The following HTR2C variants were observed in gnomAD, a reference collection of about 807,000 sequenced individuals.
The protein encoded by HTR2C is 5-hydroxytryptamine (serotonin) receptor 2C, G protein-coupled.
In HTR2C, 5 loss-of-function variants were observed where a neutral mutation model predicts 21.0. The ratio of observed to expected loss-of-function variants is 0.24; its 90% CI spans 0.12 to 0.50. HTR2C has a LOEUF of 0.50. Ranked by LOEUF, HTR2C falls within the 20% of genes least tolerant of loss-of-function variation. The pLI, the probability that HTR2C is intolerant of heterozygous loss-of-function variation, is 0.98. For missense variants in HTR2C, 271 were observed against 371.2 expected (o/e 0.73, Z 2.22); for synonymous variants, 150 against 145.3 (o/e 1.03, Z -0.23).
intron 4 of HTR2C, chrX:114,774,983 G>A: frequency 4.0e-6 from 2 of 499,549 alleles, no homozygotes; most frequent in South Asian, 5.3e-5. Flanking sequence ...AGCTCTGTCT[G>A]CTGATGTTCA....
intron 4 of HTR2C, among the ~76,000 whole-genome samples, chrX:114,762,600 T>G (rs2069891497): frequency 8.9e-6 from 1 of 111,970 alleles, no homozygotes; most frequent in African/African-American, 3.2e-5. Context: ...TATTAAGCCC[T>G]AGGGTATTGG....
chrX:114,806,596 TCATATATACACCATATATACAC>T (rs1231364335), intron 4 of HTR2C, among the ~76,000 whole-genome samples: 2 of 54,239 alleles, frequency 3.7e-5, no homozygotes, highest in Non-Finnish European at 6.7e-5. Context: ...ATCATATATA[TCATATATACACCATATATACAC>T]CATATATATA....
chrX:114,654,868 C>T (rs2147837321), intron 2 of HTR2C, among the ~76,000 whole-genome samples: 1 of 110,119 alleles, frequency 9.1e-6, no homozygotes, highest in African/African-American at 3.3e-5. Flanking sequence ...TTGTATTTCT[C>T]CTGCCTATAC....
At chrX:114,601,296 C>A (rs1556394281) in intron 1 of HTR2C, among the ~76,000 whole-genome samples, 1 of 110,946 alleles carries the variant, frequency 9.0e-6, no homozygotes. Context: ...GTGAAGAGAC[C>A]ACCAAACAGG....
chrX:114,846,303 CATTTTGTAATAT>C (rs1264557037), intron 4 of HTR2C, among the ~76,000 whole-genome samples: 9 of 111,775 alleles, frequency 8.1e-5, no homozygotes, highest in African/African-American at 2.9e-4. Flanking sequence ...GATGAAGAAA[CATTTTGTAATAT>C]ATTCTATTAG....
intron 5 of HTR2C, among the ~76,000 whole-genome samples, chrX:114,861,261 T>G: frequency 9.0e-6 from 1 of 111,571 alleles, no homozygotes; most frequent in Non-Finnish European, 1.9e-5. Flanking sequence ...CACATAGAAG[T>G]GAGATCATAC....
chrX:114,886,606 T>C (rs1378905920), intron 5 of HTR2C, among the ~76,000 whole-genome samples: 4 of 111,182 alleles, frequency 3.6e-5, no homozygotes, highest in African/African-American at 1.3e-4. Flanking sequence ...GAAACATTAC[T>C]CCTATGTAAC....
chrX:114,882,754 T>C (rs1430372549), intron 5 of HTR2C, among the ~76,000 whole-genome samples: 1 of 110,222 alleles, frequency 9.1e-6, no homozygotes, highest in African/African-American at 3.3e-5. Context: ...GTTGGTGTTT[T>C]TGTGTCCATA....
chrX:114,727,608 C>T lies in HTR2C; in HGVS notation c.35+637C>T, dbSNP rs982892761. Among the ~76,000 whole-genome samples the T allele has an allele frequency of 3.2e-4, 36 of 111,626 alleles. No individual in the cohort carries two copies. In the Admixed American group the frequency reaches 3.2e-3, roughly 10 times the overall value. On this transcript the variant is annotated intron_variant, in intron 3 of 5. Coordinates refer to ENST00000276198, the MANE Select transcript of HTR2C (RefSeq NM_000868.4). ...TCTTCCGAACCTGCTTTTTGAGGAA[C>T]GAAGCATAGAAAAAAATGATCCAAA...
At chrX:114,727,454 G>A (rs1360542776) in intron 3 of HTR2C, among the ~76,000 whole-genome samples, 1 of 111,679 alleles carries the variant, frequency 9.0e-6, no homozygotes, top group Non-Finnish European at 1.9e-5. Flanking sequence ...TTGATGCAGT[G>A]ACCCAGTTGC....
At chrX:114,670,414 A>G (rs1317516765) in intron 2 of HTR2C, among the ~76,000 whole-genome samples, 1 of 91,221 alleles carries the variant, frequency 1.1e-5, no homozygotes, top group African/African-American at 3.9e-5. Flanking sequence ...AAAAAAAAAA[A>G]AGCAATTCTG....
intron 5 of HTR2C, among the ~76,000 whole-genome samples, chrX:114,888,548 G>A (rs936822856): frequency 1.8e-5 from 2 of 111,697 alleles, no homozygotes; most frequent in Admixed American, 1.9e-4. Context: ...TGGGAACTGG[G>A]GATAAGGGGA....
intron 5 of HTR2C, among the ~76,000 whole-genome samples, chrX:114,892,346 C>T (rs782524906): frequency 4.7e-4 from 52 of 111,585 alleles, no homozygotes; most frequent in Non-Finnish European, 7.9e-4. Context: ...ATTTAGTTAC[C>T]TTAGTAGATG....
At position 114,706,493 on chromosome X, in the gene HTR2C, T is replaced by G. The variant is rs782436605; in HGVS notation, c.-79-20365T>G. ...AAACACCGCATGTTCTCACTCATAG[T>G]TGGGAATTGAACAATGAGAACACAC... On this transcript the variant is annotated intron_variant, in intron 2 of 5. Coordinates refer to ENST00000276198, the MANE Select transcript of HTR2C (RefSeq NM_000868.4). 3.5e-4 allele frequency among the ~76,000 whole-genome samples: 33 copies of G among 95,091 alleles called. No homozygotes were observed. In the South Asian group the frequency reaches 0.013, roughly 39 times the overall value. 82.6% of individuals were successfully genotyped at this position (95,091 alleles called of 115,157 possible).
chrX:114,827,646 T>C (rs1483118637), intron 4 of HTR2C, among the ~76,000 whole-genome samples: 1 of 111,266 alleles, frequency 9.0e-6, no homozygotes, highest in Non-Finnish European at 1.9e-5. Context: ...TTAACATTTT[T>C]AGACCAAGTC....
chrX:114,807,206 A>G (rs781969540), intron 4 of HTR2C, among the ~76,000 whole-genome samples: 7 of 85,486 alleles, frequency 8.2e-5, no homozygotes, highest in African/African-American at 3.4e-4. Context: ...ATATATATAC[A>G]CCATATATAT....
At chrX:114,611,365 G>A (rs1435306622) in intron 1 of HTR2C, among the ~76,000 whole-genome samples, 1 of 111,944 alleles carries the variant, frequency 8.9e-6, no homozygotes, top group African/African-American at 3.2e-5. Context: ...GCGTTTCTGC[G>A]ATGCGATGTA....
At chrX:114,767,264 T>TGG (rs2069955858) in intron 4 of HTR2C, among the ~76,000 whole-genome samples, 1 of 110,966 alleles carries the variant, frequency 9.0e-6, no homozygotes, top group African/African-American at 3.3e-5. Flanking sequence ...GAGTTCGTAC[T>TGG]TAGAGTATAC....
intron 4 of HTR2C, among the ~76,000 whole-genome samples, chrX:114,796,144 A>G (rs1471323115): frequency 5.4e-5 from 6 of 111,604 alleles, no homozygotes; most frequent in African/African-American, 1.9e-4. Context: ...GTAGCTGCAA[A>G]CATCTGAGAG....
Sources: allele counts gnomAD v4.1 joint callset (sites outside exome capture counted in the v4.1 genomes callset), GRCh38; gene constraint gnomAD v4.1.1; transcripts MANE v1.5; gene names NCBI Gene and HGNC (gene_info 2026-07-23, HGNC 2026-07-21).